The following FAM81B variants were observed in gnomAD, a reference collection of about 807,000 sequenced individuals.
FAM81B encodes the protein protein FAM81B.
A neutral mutation model predicts 58.7 loss-of-function variants in FAM81B; 60 were observed. That is an observed-to-expected ratio of 1.02 (90% CI 0.83 to 1.27). The LOEUF is 1.27. FAM81B is among the 50% of genes most tolerant of loss of function. The pLI, the probability that FAM81B is intolerant of heterozygous loss-of-function variation, is 0.00. For missense variants in FAM81B, 491 were observed against 522.0 expected (o/e 0.94, Z 0.58); for synonymous variants, 189 against 179.6 (o/e 1.05, Z -0.42).
chr5:95,436,848 T>G lies in FAM81B; in HGVS notation c.835T>G (p.Ser279Ala), dbSNP rs1212176527. 5 of 1,614,020 alleles carry G rather than the reference T, an allele frequency of 3.1e-6. No individual in the cohort carries two copies. Among genetic ancestry groups the G allele is most frequent in the Admixed American group, 3.3e-5 (2 of 60,018 alleles). Reference protein sequence around the residue: ...KIETASSEQTSNLKMVQGDYR... With the variant: ...KIETASSEQTANLKMVQGDYR... ...AGAAACTGCCAGTTCTGAGCAAACC[T>G]CGAATTTAAAGATGGTCCAGGGGGA... The change falls in exon 7 of 10, where the codon TCG (serine) becomes GCG (alanine). Residue 279 changes from serine to alanine, a missense_variant. By Grantham distance (99) the Ser-to-Ala change is moderately conservative. Coordinates refer to ENST00000283357, the MANE Select transcript of FAM81B (RefSeq NM_152548.3).
At chr5:95,394,558 G>C (rs1210743689) in intron 2 of FAM81B, among the ~76,000 whole-genome samples, 2 of 152,192 alleles carry the variant, frequency 1.3e-5, no homozygotes, top group African/African-American at 4.8e-5. Flanking sequence ...CACGGCAGAA[G>C]GCATCAGGTC....
intron 3 of FAM81B, among the ~76,000 whole-genome samples, chr5:95,410,276 C>G: frequency 6.6e-6 from 1 of 152,178 alleles, no homozygotes; most frequent in East Asian, 1.9e-4. Flanking sequence ...GGCCAGGAAG[C>G]CGGAAGGAGC....
intron 3 of FAM81B, among the ~76,000 whole-genome samples, chr5:95,400,769 AG>A (rs1391709229): frequency 6.6e-6 from 1 of 152,152 alleles, no homozygotes; most frequent in Non-Finnish European, 1.5e-5. Flanking sequence ...TGGGAGGGTC[AG>A]GAGTCCCTCT....
intron 4 of FAM81B, among the ~76,000 whole-genome samples, chr5:95,415,075 A>G (rs745647297): frequency 6.6e-5 from 10 of 152,230 alleles, no homozygotes; most frequent in Non-Finnish European, 1.5e-4. Flanking sequence ...AAGGCATTAG[A>G]GTAAAAATAG....
At chr5:95,446,273 T>C (rs1033700939) in intron 7 of FAM81B, among the ~76,000 whole-genome samples, 1 of 152,178 alleles carries the variant, frequency 6.6e-6, no homozygotes, top group Non-Finnish European at 1.5e-5. Flanking sequence ...TGGATAACAC[T>C]ACATTTCAGT....
At chr5:95,432,706 G>A (rs1744951405) in intron 6 of FAM81B, among the ~76,000 whole-genome samples, 1 of 151,818 alleles carries the variant, frequency 6.6e-6, no homozygotes, top group Admixed American at 6.6e-5. Flanking sequence ...ATGCTTTTAG[G>A]GTGGTTTTAA....
At chr5:95,436,394 A>C (rs1745102197) in intron 6 of FAM81B, among the ~76,000 whole-genome samples, 1 of 152,152 alleles carries the variant, frequency 6.6e-6, no homozygotes, top group African/African-American at 2.4e-5. Flanking sequence ...TTGATCACCT[A>C]ATGTGCACTG....
chr5:95,407,271 C>T (rs1445457447), intron 3 of FAM81B, among the ~76,000 whole-genome samples: 1 of 151,406 alleles, frequency 6.6e-6, no homozygotes, highest in Non-Finnish European at 1.5e-5. Context: ...TACACACACA[C>T]ACACACACAC....
intron 2 of FAM81B, among the ~76,000 whole-genome samples, chr5:95,393,874 T>TA (rs945018004): frequency 3.9e-5 from 6 of 152,124 alleles, no homozygotes; most frequent in African/African-American, 1.2e-4. Context: ...CTGATATATG[T>TA]AAAAAAATTC....
chr5:95,435,577 G>T (rs1745067680), intron 6 of FAM81B, among the ~76,000 whole-genome samples: 1 of 152,110 alleles, frequency 6.6e-6, no homozygotes, highest in Non-Finnish European at 1.5e-5. Flanking sequence ...CCAGTAAAGA[G>T]TCAAGAAAAG....
At chr5:95,404,152 A>T (rs1762183992) in intron 3 of FAM81B, among the ~76,000 whole-genome samples, 1 of 152,192 alleles carries the variant, frequency 6.6e-6, no homozygotes, top group Non-Finnish European at 1.5e-5. Flanking sequence ...CTCAAAGAAA[A>T]TAATGAGCAA....
At chr5:95,441,379 G>A (rs1489194071) in intron 7 of FAM81B, among the ~76,000 whole-genome samples, 1 of 152,030 alleles carries the variant, frequency 6.6e-6, no homozygotes, top group Non-Finnish European at 1.5e-5. Context: ...GACCATCCTG[G>A]CCAGCATAGT....
intron 3 of FAM81B, among the ~76,000 whole-genome samples, chr5:95,400,544 T>TG (rs1762085562): frequency 6.6e-6 from 1 of 152,140 alleles, no homozygotes; most frequent in Non-Finnish European, 1.5e-5. Flanking sequence ...TAATTATATC[T>TG]GCAAGACCCA....
At position 95,436,798 on chromosome 5, in the gene FAM81B, A is replaced by G. The variant is rs1455196685; in HGVS notation, c.787-2A>G. On this transcript the variant is annotated splice_acceptor_variant, in intron 6 of 9. Coordinates refer to ENST00000283357, the MANE Select transcript of FAM81B (RefSeq NM_152548.3). LOFTEE classifies it high-confidence loss of function. ...GCACAAACCCTCTCGTACTTTGACT[A>G]GGTGATGCAGCTCTTAGGAAAGATA... The G allele has an allele frequency of 6.3e-7, 1 of 1,599,804 alleles. No homozygotes were observed. The highest frequency in any genetic ancestry group is 8.6e-7 in the Non-Finnish European group (1 of 1,166,946).
At chr5:95,420,673 C>T (rs1415793982) in intron 5 of FAM81B, among the ~76,000 whole-genome samples, 2 of 152,188 alleles carry the variant, frequency 1.3e-5, no homozygotes, top group East Asian at 3.8e-4. Context: ...CAAATGCCAA[C>T]ATCCATACAT....
chr5:95,421,682 A>AC (rs1238471012), intron 5 of FAM81B, among the ~76,000 whole-genome samples: 1 of 151,884 alleles, frequency 6.6e-6, no homozygotes, highest in Non-Finnish European at 1.5e-5. Flanking sequence ...AGAATACAAA[A>AC]AAAGGTTGTG....
chr5:95,435,028 C>T (rs1165697368), intron 6 of FAM81B, among the ~76,000 whole-genome samples: 1 of 152,202 alleles, frequency 6.6e-6, no homozygotes, highest in East Asian at 1.9e-4. Flanking sequence ...AGAAAGAAGG[C>T]TTTAGGATTG....
chr5:95,442,172 TGAAC>T (rs1400977439), intron 7 of FAM81B, among the ~76,000 whole-genome samples: 1 of 152,210 alleles, frequency 6.6e-6, no homozygotes, highest in Non-Finnish European at 1.5e-5. Context: ...AATGAATGAA[TGAAC>T]GATTTTTGAG....
chr5:95,426,216 G>A (rs1054524740), intron 5 of FAM81B, among the ~76,000 whole-genome samples: 2 of 151,180 alleles, frequency 1.3e-5, no homozygotes, highest in African/African-American at 4.9e-5. Context: ...TTTGGAAAGA[G>A]CTTAACTTTC....
Sources: allele counts gnomAD v4.1 joint callset (sites outside exome capture counted in the v4.1 genomes callset), GRCh38; gene constraint gnomAD v4.1.1; transcripts MANE v1.5; gene names NCBI Gene and HGNC (gene_info 2026-07-23, HGNC 2026-07-21).